LYPLAL1: variants seen among roughly 807,000 people sequenced by gnomAD.
LYPLAL1 encodes lysophospholipase-like protein 1.
Under a neutral mutation model 19.7 loss-of-function variants are expected in LYPLAL1, and 23 were observed. The observed-to-expected ratio is 1.17, with a 90% CI of 0.84 to 1.65. The LOEUF (loss-of-function observed/expected upper bound fraction) is 1.65, where lower values mean the gene tolerates loss of function less well. LYPLAL1 is among the 40% of genes most tolerant of loss of function. The pLI is 0.00. For synonymous variants in LYPLAL1, 119 were observed against 96.3 expected (o/e 1.24, Z -1.38); for missense variants, 355 against 279.4 (o/e 1.27, Z -1.93).
chr1:219,400,408 A>T, the LYPLAL1 span, among the ~76,000 whole-genome samples: 1 of 152,296 alleles, frequency 6.6e-6, no homozygotes, highest in Admixed American at 6.5e-5. Flanking sequence ...ATCAATAAGA[A>T]ATTCTGTAGC....
the LYPLAL1 span, among the ~76,000 whole-genome samples, chr1:219,342,083 C>G: frequency 1.3e-5 from 2 of 152,088 alleles, no homozygotes; most frequent in African/African-American, 4.8e-5. Flanking sequence ...CCATAGCCAC[C>G]TTGTGGTTAA....
chr1:219,361,330 A>G, the LYPLAL1 span, among the ~76,000 whole-genome samples: 1 of 152,292 alleles, frequency 6.6e-6, no homozygotes, highest in African/African-American at 2.4e-5. Context: ...GGTCCCTCAT[A>G]GTGTAGTTTA....
At chr1:219,372,911 A>AT in the LYPLAL1 span, among the ~76,000 whole-genome samples, 3 of 152,190 alleles carry the variant, frequency 2.0e-5, no homozygotes, top group African/African-American at 4.8e-5. Context: ...CTCAAAAAAA[A>AT]AAATAAATAA....
the LYPLAL1 span, among the ~76,000 whole-genome samples, chr1:219,231,597 G>A: frequency 9.3e-4 from 141 of 152,242 alleles, no homozygotes; most frequent in Non-Finnish European, 1.7e-3. Flanking sequence ...GGTAGAAAAT[G>A]TATGTTATTA....
In LYPLAL1 at chr1:219,211,626, T is replaced by C; in HGVS notation, c.612T>C (p.His204=). The C allele has an allele frequency of 6.2e-7, 1 of 1,613,486 alleles. No homozygotes were observed. Among genetic ancestry groups the C allele is most frequent in the South Asian group, 1.1e-5 (1 of 91,058 alleles). The change falls in exon 5 of 5, where the codon CAT becomes CAC. Residue 204 remains histidine, a synonymous_variant. Transcript: ENST00000366928. The part of the protein sequence containing the change: ...LKSLGVTTKF[H]SFPNVYHELS... ...CTCTAGGAGTGACCACGAAGTTTCA[T>C]AGTTTTCCAAATGTTTACCATGAGC...
the LYPLAL1 span, among the ~76,000 whole-genome samples, chr1:219,359,403 C>A: frequency 6.6e-6 from 1 of 152,112 alleles, no homozygotes; most frequent in Non-Finnish European, 1.5e-5. Flanking sequence ...GGGGCTTGAG[C>A]TCTTTTAGAG....
chr1:219,339,406 A>G, the LYPLAL1 span, among the ~76,000 whole-genome samples: 1 of 152,168 alleles, frequency 6.6e-6, no homozygotes, highest in Non-Finnish European at 1.5e-5. Context: ...GCTATGAGAA[A>G]GTTTTAGGAA....
At chr1:219,347,968 GA>G in the LYPLAL1 span, among the ~76,000 whole-genome samples, 2 of 150,658 alleles carry the variant, frequency 1.3e-5, no homozygotes, top group African/African-American at 2.4e-5. Flanking sequence ...CCATGGAAAA[GA>G]AAAAAAAATA....
the LYPLAL1 span, among the ~76,000 whole-genome samples, chr1:219,418,284 G>A: frequency 1.3e-5 from 2 of 152,084 alleles, no homozygotes; most frequent in Non-Finnish European, 2.9e-5. Flanking sequence ...TCTCTGTCCA[G>A]AGTTGGACAA....
At position 219,211,909 on chromosome 1, in the gene LYPLAL1, T is replaced by C. The variant is rs2125121355; in HGVS notation, c.*181T>C. The C allele has an allele frequency of 4.6e-6, 2 of 434,278 alleles. No individual in the cohort carries two copies. The highest frequency in any genetic ancestry group is 8.1e-6 in the Non-Finnish European group (2 of 246,980). 26.9% of individuals were successfully genotyped at this position (434,278 alleles called of 1,614,324 possible). On this transcript the variant is annotated 3_prime_UTR_variant, in exon 5 of 5. Transcript: ENST00000366928. ...ATTAATGAAAAACAATAGACAAACA[T>C]CTGTGCATAATTTTTCAGACACAAT... is the stretch of plus-strand genomic sequence containing the variant.
the LYPLAL1 span, among the ~76,000 whole-genome samples, chr1:219,227,024 T>C: frequency 6.6e-6 from 1 of 152,246 alleles, no homozygotes; most frequent in Non-Finnish European, 1.5e-5. Context: ...GTCTTTGTAC[T>C]GAATGAGTGA....
chr1:219,207,115 G>A (rs1023900077), intron 3 of LYPLAL1, among the ~76,000 whole-genome samples: 2 of 151,922 alleles, frequency 1.3e-5, no homozygotes, highest in African/African-American at 4.8e-5. Flanking sequence ...ATATTAATTA[G>A]TTACATTTGG....
At chr1:219,174,630 T>G (rs1055926249) in intron 1 of LYPLAL1, among the ~76,000 whole-genome samples, 2 of 152,194 alleles carry the variant, frequency 1.3e-5, no homozygotes, top group African/African-American at 4.8e-5. Flanking sequence ...CTTAGTAACG[T>G]GTGCTTAATG....
In LYPLAL1 at chr1:219,193,110, T is replaced by G. The variant is rs761056754; in HGVS notation, c.220T>G (p.Ser74Ala). 3.1e-6 allele frequency: 5 copies of G among 1,604,802 alleles called. No individual in the cohort carries two copies. In the South Asian group the frequency reaches 5.5e-5, roughly 18 times the overall value. ...ATATACTCCTATGAAAGGAGGAATC[T>G]CCAATGTATGGTTTGACAGATTTAA... ...RSYTPMKGGI[S>A]NVWFDRFKIT... The change falls in exon 3 of 5, where the codon TCC (serine) becomes GCC (alanine). Residue 74 changes from serine (S) to alanine (A), a missense_variant. By Grantham distance (99) the Ser-to-Ala change is moderately conservative. Coordinates refer to ENST00000366928, the MANE Select transcript of LYPLAL1 (RefSeq NM_138794.5).
chr1:219,352,272 T>G, the LYPLAL1 span, among the ~76,000 whole-genome samples: 1 of 152,304 alleles, frequency 6.6e-6, no homozygotes, highest in Admixed American at 6.5e-5. Flanking sequence ...GGCTCACGCC[T>G]GTAATCCCAG....
At chr1:219,291,680 C>T in the LYPLAL1 span, among the ~76,000 whole-genome samples, 1 of 152,094 alleles carries the variant, frequency 6.6e-6, no homozygotes, top group African/African-American at 2.4e-5. Context: ...CCTCTTAGCT[C>T]TCTATTTAGG....
At chr1:219,290,181 A>C in the LYPLAL1 span, among the ~76,000 whole-genome samples, 1 of 152,184 alleles carries the variant, frequency 6.6e-6, no homozygotes, top group Admixed American at 6.5e-5. Flanking sequence ...AAATAAGTAA[A>C]TAAATGGACA....
At chr1:219,405,584 A>T in the LYPLAL1 span, among the ~76,000 whole-genome samples, 5 of 152,200 alleles carry the variant, frequency 3.3e-5, no homozygotes, top group Non-Finnish European at 7.4e-5. Flanking sequence ...AAACACTAAA[A>T]TTCTCAAAAA....
the LYPLAL1 span, among the ~76,000 whole-genome samples, chr1:219,370,148 A>G: frequency 4.6e-5 from 7 of 152,092 alleles, no homozygotes; most frequent in East Asian, 1.4e-3. Flanking sequence ...GTACACAGCA[A>G]CTCTTGTAAA....
Sources: gnomAD v4.1 joint callset for allele counts (sites outside exome capture counted in the v4.1 genomes callset) on GRCh38, gnomAD v4.1.1 for gene constraint, MANE v1.5 for transcripts, NCBI Gene and HGNC (gene_info 2026-07-23, HGNC 2026-07-21) for gene names.